IL34: variants seen among roughly 807,000 people sequenced by gnomAD.
IL34 encodes the protein interleukin-34.
Under a neutral mutation model 25.3 loss-of-function variants are expected in IL34, and 17 were observed. The observed-to-expected ratio is 0.67, with a 90% CI of 0.46 to 1.01. The LOEUF is 1.01. IL34 is among the 50% of genes least tolerant of loss of function. The pLI is 0.00. For synonymous variants in IL34, 174 were observed against 140.9 expected (o/e 1.23, Z -1.66); for missense variants, 368 against 312.9 (o/e 1.18, Z -1.33).
intron 1 of IL34, among the ~76,000 whole-genome samples, chr16:70,605,681 T>A (rs974185683): frequency 7.9e-5 from 12 of 152,206 alleles, no homozygotes; most frequent in African/African-American, 2.7e-4. Context: ...TCTCTTCTTT[T>A]TTTTCTTTCA....
In IL34 at chr16:70,591,086, G is replaced by A. The variant is rs182306733; in HGVS notation, c.-401+11037G>A. On this transcript the variant is annotated intron_variant, in intron 1 of 6. Coordinates refer to the IL34 transcript ENST00000429149. The stretch of plus-strand genomic sequence containing the variant: ...AGCGAGACTGGGAGAGCCAGGCTCC[G>A]TGTCACTCAGTGCCTTCCTTCTCCT... 2.0e-4 allele frequency among the ~76,000 whole-genome samples: 31 copies of A among 152,346 alleles called. 1 individual carries two copies. The highest frequency in any genetic ancestry group is 8.3e-4 in the South Asian group (4 of 4,834).
intron 1 of IL34, among the ~76,000 whole-genome samples, chr16:70,631,590 G>T (rs2051518925): frequency 6.6e-6 from 1 of 152,148 alleles, no homozygotes; most frequent in South Asian, 2.1e-4. Flanking sequence ...TCTCTGGGCT[G>T]TTATAAAACT....
intron 1 of IL34, among the ~76,000 whole-genome samples, chr16:70,623,618 A>G (rs1263362211): frequency 6.6e-6 from 1 of 151,908 alleles, no homozygotes; most frequent in Non-Finnish European, 1.5e-5. Context: ...GAGGGAGTAG[A>G]GGTATCTTAT....
chr16:70,642,088 A>G (rs191143082), upstream of IL34, among the ~76,000 whole-genome samples: 140 of 152,210 alleles, frequency 9.2e-4, no homozygotes, highest in South Asian at 3.3e-3. Flanking sequence ...AACAACAGAA[A>G]TCTGTTTTCT....
intron 1 of IL34, among the ~76,000 whole-genome samples, chr16:70,647,216 G>A (rs920481995): frequency 9.9e-5 from 15 of 152,244 alleles, no homozygotes; most frequent in African/African-American, 3.6e-4. Context: ...TCCTCAGGGT[G>A]GTCTTAGGTC....
intron 4 of IL34, among the ~76,000 whole-genome samples, chr16:70,659,334 G>C (rs891257062): frequency 1.3e-5 from 2 of 152,234 alleles, no homozygotes; most frequent in Admixed American, 1.3e-4. Flanking sequence ...CCTGGGTGCA[G>C]TTTGCCCCAC....
chr16:70,622,594 T>C (rs1044717881), intron 1 of IL34, among the ~76,000 whole-genome samples: 1 of 151,054 alleles, frequency 6.6e-6, no homozygotes, highest in Non-Finnish European at 1.5e-5. Flanking sequence ...AGAAGGAAAT[T>C]TGGGGAAATG....
chr16:70,654,585 A>T lies in IL34; in HGVS notation c.76A>T (p.Met26Leu), dbSNP rs914275754. 1.9e-6 allele frequency: 3 copies of T among 1,613,334 alleles called. No homozygotes were observed. The highest frequency in any genetic ancestry group is 2.5e-6 in the Non-Finnish European group (3 of 1,179,636). Residue 26 changes from methionine to leucine, a missense_variant, in exon 2 of 6, where the codon ATG (methionine) becomes TTG (leucine). Physicochemically the swap from Met to Leu is conservative, Grantham distance 15 (BLOSUM62 2). Coordinates refer to ENST00000288098, the MANE Select transcript of IL34 (RefSeq NM_001393494.1). ...GGCCTTGGGGAATGAGCCTTTGGAG[A>T]TGTGGCCCTTGACGCAGAATGAGGA... ...GVALGNEPLE[M>L]WPLTQNEECT...
intron 1 of IL34, among the ~76,000 whole-genome samples, chr16:70,598,688 G>A (rs939545497): frequency 1.3e-5 from 2 of 152,108 alleles, no homozygotes; most frequent in Non-Finnish European, 2.9e-5. Context: ...CCAGTGAGCC[G>A]AGATTGCACC....
intron 1 of IL34, among the ~76,000 whole-genome samples, chr16:70,629,604 ATAGT>A (rs1306331446): frequency 2.6e-5 from 4 of 152,232 alleles, no homozygotes; most frequent in Non-Finnish European, 5.9e-5. Context: ...TACTGTATAA[ATAGT>A]TGTTATACTA....
chr16:70,641,355 G>A (rs971594251), intron 1 of IL34, among the ~76,000 whole-genome samples: 1 of 152,030 alleles, frequency 6.6e-6, no homozygotes, highest in Non-Finnish European at 1.5e-5. Flanking sequence ...ATGGCCAAAA[G>A]GTGGAAACAG....
Position 70,654,598 on chromosome 16 carries a change from C to T in IL34, c.89C>T (p.Thr30Met), listed in dbSNP as rs749803529. 15 of 1,613,534 alleles carry T rather than the reference C, an allele frequency of 9.3e-6. No homozygotes were observed. Among genetic ancestry groups the T allele is most frequent in the Admixed American group, 3.3e-5 (2 of 59,970 alleles). ...GNEPLEMWPL[T>M]QNEECTVTGF... ...GAGCCTTTGGAGATGTGGCCCTTGA[C>T]GCAGAATGAGGAGTGCACTGTCACG... Residue 30 changes from threonine (T) to methionine (M), a missense_variant, in exon 2 of 6, where the codon ACG (threonine) becomes ATG (methionine). By Grantham distance (81) the Thr-to-Met change is moderately conservative (BLOSUM62 -1). Transcript: ENST00000288098.
At chr16:70,628,904 C>T (rs2051457062) in intron 1 of IL34, among the ~76,000 whole-genome samples, 1 of 151,700 alleles carries the variant, frequency 6.6e-6, no homozygotes, top group Admixed American at 6.6e-5. Context: ...CCTTCCACCT[C>T]GGCCTCCCGA....
At chr16:70,591,986 G>C (rs987841516) in intron 1 of IL34, among the ~76,000 whole-genome samples, 1 of 151,982 alleles carries the variant, frequency 6.6e-6, no homozygotes, top group Non-Finnish European at 1.5e-5. Context: ...GGCCCTGGTA[G>C]TACTAGGTAG....
intron 1 of IL34, among the ~76,000 whole-genome samples, chr16:70,626,380 G>T (rs2051393820): frequency 6.6e-6 from 1 of 152,092 alleles, no homozygotes; most frequent in Admixed American, 6.5e-5. Flanking sequence ...AACACGATGT[G>T]TGTGGGTTTG....
intron 1 of IL34, among the ~76,000 whole-genome samples, chr16:70,610,155 T>C (rs1300499572): frequency 1.3e-5 from 2 of 151,112 alleles, no homozygotes; most frequent in African/African-American, 4.9e-5. Flanking sequence ...TGAGCCAAGA[T>C]TGCGCCACTC....
At chr16:70,642,537 C>T (rs912163136), upstream of IL34, among the ~76,000 whole-genome samples, 4 of 152,080 alleles carry the variant, frequency 2.6e-5, no homozygotes, top group African/African-American at 7.2e-5. Context: ...ACCTTGTGAT[C>T]CTCCCGCCTT....
In IL34 at chr16:70,660,182, C is replaced by A. The variant is rs749776814; in HGVS notation, c.724C>A (p.Pro242Thr). The A allele has an allele frequency of 1.3e-6, 2 of 1,573,600 alleles. No individual in the cohort carries two copies. The highest frequency in any genetic ancestry group is 2.7e-5 in the African/African-American group (2 of 73,516). The part of the protein sequence containing the change: ...PVRAQGEGLL[P>T] ...CAGGGCACAGGGCGAGGGCCTCTTG[C>A]CCTGAGCACCCTGGATGGTGACTGC... The change falls in exon 6 of 6, where the codon CCC becomes ACC. Residue 242 changes from proline (P) to threonine (T), a missense_variant. Transcript: ENST00000288098.
At chr16:70,587,231 G>C (rs2050705099) in intron 1 of IL34, among the ~76,000 whole-genome samples, 1 of 152,076 alleles carries the variant, frequency 6.6e-6, no homozygotes, top group Admixed American at 6.6e-5. Flanking sequence ...TGTGGGGATG[G>C]GGGCTGCTGA....
Sources: gnomAD v4.1 joint callset for allele counts (sites outside exome capture counted in the v4.1 genomes callset) on GRCh38, gnomAD v4.1.1 for gene constraint, MANE v1.5 for transcripts, NCBI Gene and HGNC (gene_info 2026-07-23, HGNC 2026-07-21) for gene names.